The following RGS7 variants were observed in gnomAD, a reference collection of about 807,000 sequenced individuals.
RGS7 encodes regulator of G protein signaling 7.
In RGS7, 27 loss-of-function variants were observed where a neutral mutation model predicts 81.1. The ratio of observed to expected loss-of-function variants is 0.33; its 90% CI spans 0.25 to 0.46. RGS7 has a LOEUF of 0.46. Ranked by LOEUF, RGS7 falls within the 20% of genes least tolerant of loss-of-function variation. RGS7 has a pLI of 1.00. For missense variants in RGS7, 396 were observed against 607.4 expected, an observed-to-expected ratio of 0.65 and a Z score of 3.66; for synonymous variants, 208 against 207.7, an observed-to-expected ratio of 1.00 and a Z score of -0.01.
chr1:240,919,297 A>G (rs1438960420), intron 6 of RGS7, among the ~76,000 whole-genome samples: 21 of 152,154 alleles, frequency 1.4e-4, no homozygotes, highest in African/African-American at 5.1e-4. Context: ...ACAGACCAAT[A>G]CTTCTCATAA....
intron 15 of RGS7, among the ~76,000 whole-genome samples, chr1:240,804,452 T>A (rs979319772): frequency 3.4e-4 from 51 of 151,884 alleles, no homozygotes; most frequent in Admixed American, 1.1e-3. Context: ...AGATTTTTTT[T>A]AAAAACCACA....
At chr1:241,145,047 C>CG (rs749229026) in intron 2 of RGS7, among the ~76,000 whole-genome samples, 1 of 150,838 alleles carries the variant, frequency 6.6e-6, no homozygotes, top group Non-Finnish European at 1.5e-5. Flanking sequence ...GATGGAGTCT[C>CG]GCACTGTCGC....
chr1:241,147,196 T>C (rs2068374512), intron 2 of RGS7, among the ~76,000 whole-genome samples: 1 of 152,208 alleles, frequency 6.6e-6, no homozygotes, highest in Non-Finnish European at 1.5e-5. Flanking sequence ...AATTACTCTT[T>C]GACTACTCAG....
intron 9 of RGS7, among the ~76,000 whole-genome samples, chr1:240,863,938 G>C (rs1379761209): frequency 3.3e-5 from 5 of 152,070 alleles, no homozygotes; most frequent in Admixed American, 3.3e-4. Context: ...GATACATAAA[G>C]TCAGGATCTC....
At chr1:240,927,091 A>T (rs929334146) in intron 6 of RGS7, among the ~76,000 whole-genome samples, 1 of 152,146 alleles carries the variant, frequency 6.6e-6, no homozygotes, top group African/African-American at 2.4e-5. Flanking sequence ...TTGTTTTTTG[A>T]GATGGAGTCT....
chr1:241,257,187 T>C (rs1423551840), intron 2 of RGS7, among the ~76,000 whole-genome samples: 1 of 152,106 alleles, frequency 6.6e-6, no homozygotes, highest in East Asian at 1.9e-4. Flanking sequence ...TGGTGGGAAG[T>C]CCGAGATCAA....
chr1:240,815,689 C>G (rs1231204734), intron 11 of RGS7, among the ~76,000 whole-genome samples: 1 of 151,984 alleles, frequency 6.6e-6, no homozygotes, highest in East Asian at 1.9e-4. Flanking sequence ...GGAAAAGAGT[C>G]AAAATGAGAA....
At chr1:241,178,754 T>G (rs2071361637) in intron 2 of RGS7, among the ~76,000 whole-genome samples, 1 of 152,254 alleles carries the variant, frequency 6.6e-6, no homozygotes, top group African/African-American at 2.4e-5. Flanking sequence ...ATATCAGGTT[T>G]GATACGATAC....
intron 6 of RGS7, among the ~76,000 whole-genome samples, chr1:240,919,330 C>A (rs1023308313): frequency 1.3e-5 from 2 of 152,054 alleles, no homozygotes; most frequent in African/African-American, 2.4e-5. Flanking sequence ...AAACCACCAA[C>A]AAAATATTAG....
At chr1:241,151,386 C>T (rs1042561424) in intron 2 of RGS7, among the ~76,000 whole-genome samples, 1 of 151,872 alleles carries the variant, frequency 6.6e-6, no homozygotes, top group African/African-American at 2.4e-5. Flanking sequence ...GCTCAGGAAG[C>T]CTGTCCAGCC....
intron 18 of RGS7, among the ~76,000 whole-genome samples, chr1:240,777,526 C>T (rs1048170868): frequency 2.0e-5 from 3 of 152,094 alleles, no homozygotes; most frequent in Non-Finnish European, 4.4e-5. Flanking sequence ...AAGGGGTCAG[C>T]GGTGATGGGA....
At chr1:240,889,077 G>A (rs1667847850) in intron 6 of RGS7, among the ~76,000 whole-genome samples, 1 of 152,088 alleles carries the variant, frequency 6.6e-6, no homozygotes, top group Non-Finnish European at 1.5e-5. Context: ...TTGCCTCAGC[G>A]TCCCAAGCAG....
At chr1:241,351,933 A>T (rs2083274414) in intron 2 of RGS7, among the ~76,000 whole-genome samples, 1 of 152,242 alleles carries the variant, frequency 6.6e-6, no homozygotes, top group African/African-American at 2.4e-5. Flanking sequence ...GTGAGAAGCC[A>T]GCATTCCAGC....
At chr1:241,056,348 T>G (rs902451375) in intron 3 of RGS7, among the ~76,000 whole-genome samples, 1 of 152,238 alleles carries the variant, frequency 6.6e-6, no homozygotes, top group Non-Finnish European at 1.5e-5. Context: ...ACAGCTATCT[T>G]ATCACCCTGT....
chr1:240,891,739 T>C (rs1431841429), intron 6 of RGS7, among the ~76,000 whole-genome samples: 1 of 152,242 alleles, frequency 6.6e-6, no homozygotes, highest in Non-Finnish European at 1.5e-5. Context: ...TTTAATATTT[T>C]GCTATACATT....
intron 6 of RGS7, among the ~76,000 whole-genome samples, chr1:240,922,706 T>C (rs553253124): frequency 4.3e-4 from 65 of 152,158 alleles, no homozygotes; most frequent in African/African-American, 1.5e-3. Context: ...ATCCAAAACA[T>C]TGAAAACACT....
intron 3 of RGS7, among the ~76,000 whole-genome samples, chr1:241,036,666 C>T (rs1200437909): frequency 6.6e-6 from 1 of 152,150 alleles, no homozygotes; most frequent in African/African-American, 2.4e-5. Context: ...CTTCACCTTA[C>T]AAAGGGATAG....
At chr1:240,931,876 G>T (rs564851843) in intron 5 of RGS7, among the ~76,000 whole-genome samples, 7 of 152,086 alleles carry the variant, frequency 4.6e-5, no homozygotes, top group Non-Finnish European at 1.0e-4. Flanking sequence ...AGCTGAACAT[G>T]CTTGGCTCCT....
chr1:241,166,692 G>A (rs1246433089), intron 2 of RGS7, among the ~76,000 whole-genome samples: 1 of 152,204 alleles, frequency 6.6e-6, no homozygotes, highest in Non-Finnish European at 1.5e-5. Context: ...GCCCCTGCCA[G>A]TCTTCAGATT....
Sources: allele counts gnomAD v4.1 joint callset (sites outside exome capture counted in the v4.1 genomes callset), GRCh38; gene constraint gnomAD v4.1.1; transcripts MANE v1.5; gene names NCBI Gene and HGNC (gene_info 2026-07-23, HGNC 2026-07-21).